The following IFT80 variants were observed in gnomAD, a reference collection of about 807,000 sequenced individuals.
The protein encoded by IFT80 is intraflagellar transport 80.
Under a neutral mutation model 107.9 loss-of-function variants are expected in IFT80, and 79 were observed. The ratio of observed to expected loss-of-function variants is 0.73; its 90% CI spans 0.61 to 0.88. IFT80 has a LOEUF of 0.88. Among genes scored for constraint, IFT80 ranks in the 40% least tolerant of loss-of-function variants. The pLI is 0.00. For synonymous variants in IFT80, 299 were observed against 300.9 expected (o/e 0.99, Z 0.07); for missense variants, 797 against 914.2 (o/e 0.87, Z 1.65).
chr3:160,328,073 C>T (rs1157959991), intron 8 of IFT80, among the ~76,000 whole-genome samples: 3 of 152,096 alleles, frequency 2.0e-5, no homozygotes, highest in African/African-American at 7.2e-5. Flanking sequence ...GGCCAACAGT[C>T]ATATGAAAGC....
At chr3:160,365,407 A>G (rs1721796888) in intron 6 of IFT80, among the ~76,000 whole-genome samples, 1 of 152,140 alleles carries the variant, frequency 6.6e-6, no homozygotes, top group Non-Finnish European at 1.5e-5. Context: ...TCAACTGTGA[A>G]AACACTTCTA....
intron 19 of IFT80, among the ~76,000 whole-genome samples, chr3:160,264,418 GATTTT>G (rs1404250157): frequency 2.1e-4 from 31 of 149,256 alleles, no homozygotes; most frequent in African/African-American, 7.4e-4. Context: ...CAGGGATCAG[GATTTT>G]ATTTTATTTT....
At chr3:160,380,056 C>T (rs1211734400) in intron 3 of IFT80, among the ~76,000 whole-genome samples, 4 of 143,242 alleles carry the variant, frequency 2.8e-5, no homozygotes, top group East Asian at 2.1e-4. Flanking sequence ...TTTTTTGAGA[C>T]GGAGTCTTGC....
At chr3:160,349,134 A>C (rs1388799122) in intron 8 of IFT80, among the ~76,000 whole-genome samples, 2 of 152,124 alleles carry the variant, frequency 1.3e-5, no homozygotes, top group African/African-American at 4.8e-5. Context: ...AAGCAGCCAG[A>C]AACTTGAGTC....
chr3:160,305,816 G>T (rs1203434180), intron 10 of IFT80, among the ~76,000 whole-genome samples: 1 of 152,022 alleles, frequency 6.6e-6, no homozygotes, highest in Non-Finnish European at 1.5e-5. Context: ...CAGTTATTAA[G>T]AACTTGTATT....
intron 12 of IFT80, among the ~76,000 whole-genome samples, chr3:160,298,147 A>G (rs548584484): frequency 1.3e-5 from 2 of 152,284 alleles, no homozygotes; most frequent in East Asian, 3.9e-4. Flanking sequence ...AGCACCTATT[A>G]TAATACAGAG....
In IFT80 at chr3:160,309,851, T is replaced by G. The variant is rs555447710; in HGVS notation, c.958-2070A>C. Among the ~76,000 whole-genome samples the G allele has an allele frequency of 1.3e-3, 199 of 152,224 alleles. 1 individual carries two copies. The highest frequency in any genetic ancestry group is 4.6e-3 in the African/African-American group (191 of 41,548). On this transcript the variant is annotated intron_variant, in intron 9 of 19. Coordinates refer to ENST00000326448, the MANE Select transcript of IFT80 (RefSeq NM_020800.3). ...TATTAGAATAATATTAATATTGTTA[T>G]TTTCAAACTATATTTTAGGATATAA...
rs1718097107 is a variant in IFT80 at position 160,320,075 on chromosome 3, A to T, written c.778-136T>A. 3.3e-5 allele frequency: 22 copies of T among 673,506 alleles called. 1 individual carries two copies. The South Asian group carries it at 3.8e-4, about 12-fold the overall frequency. 41.7% of individuals were successfully genotyped at this position (673,506 alleles called of 1,614,324 possible). A position where few individuals can be genotyped will look rare whatever the true frequency, so the allele number is the denominator to read the frequency against. Reference sequence around the variant, plus strand: ...TCTGGAATTATTATTTTTCTTAATAAAATTATAGTGTACTGAATGGAAAAT... The same window carrying T: ...TCTGGAATTATTATTTTTCTTAATATAATTATAGTGTACTGAATGGAAAAT... On this transcript the variant is annotated intron_variant, in intron 8 of 19. Transcript: ENST00000326448.
chr3:160,305,772 T>C (rs988312115), intron 10 of IFT80, among the ~76,000 whole-genome samples: 1 of 152,178 alleles, frequency 6.6e-6, no homozygotes, highest in African/African-American at 2.4e-5. Flanking sequence ...TGTCTGTTTT[T>C]AAAATTATAT....
Position 160,381,489 on chromosome 3 carries a change from T to G in IFT80, c.259+14A>C, listed in dbSNP as rs763376539. The G allele has an allele frequency of 2.5e-6, 4 of 1,576,492 alleles. No individual in the cohort carries two copies. The highest frequency in any genetic ancestry group is 1.7e-5 in the Admixed American group (1 of 59,940). On this transcript the variant is annotated intron_variant, in intron 3 of 19. Transcript: ENST00000326448. ...AATACAATGGCGAGCATATAATGTT[T>G]ATTTAAAACTTACCATCAGAACTTG...
Position 160,268,419 on chromosome 3 carries a change from T to C in IFT80, c.2217A>G (p.Ala739=). ...AAAATTGTGAAATACTTACACCTTC[T>C]GCATAATGCAAGTATCGTTTATTAG... ...QETNKRYLHY[A]EGLQIDWEKI... Residue 739 remains alanine, a synonymous_variant, in exon 19 of 20, where the codon GCA becomes GCG. Coordinates refer to ENST00000326448, the MANE Select transcript of IFT80 (RefSeq NM_020800.3). The C allele has an allele frequency of 6.2e-7, 1 of 1,612,336 alleles. No individual in the cohort carries two copies. The highest frequency in any genetic ancestry group is 8.5e-7 in the Non-Finnish European group (1 of 1,178,500).
intron 12 of IFT80, among the ~76,000 whole-genome samples, chr3:160,290,619 T>A (rs1559921844): frequency 6.6e-6 from 1 of 152,104 alleles, no homozygotes. Context: ...TTGCTCTTGT[T>A]GACCAGGCTG....
rs574045725 is a variant in IFT80, at chr3:160,339,231, C to A, written c.777+16782G>T. On this transcript the variant is annotated intron_variant, in intron 8 of 19. Transcript: ENST00000326448. ...GCTGCCTCTGCCATTATCTTTCCCCCTCAAGCTATTTTTATAGAAATTATA... is the reference window on the plus strand; with the variant it reads ...GCTGCCTCTGCCATTATCTTTCCCCATCAAGCTATTTTTATAGAAATTATA... Among the ~76,000 whole-genome samples, 6 of 152,290 alleles carry A rather than the reference C, an allele frequency of 3.9e-5. No individual in the cohort carries two copies. The South Asian group carries it at 1.2e-3, about 32-fold the overall frequency.
intron 8 of IFT80, among the ~76,000 whole-genome samples, chr3:160,323,603 A>G (rs1323928989): frequency 1.3e-5 from 2 of 152,136 alleles, no homozygotes. Flanking sequence ...ACAACATACC[A>G]GAATCTCTGG....
intron 18 of IFT80, among the ~76,000 whole-genome samples, chr3:160,275,460 C>T (rs991370284): frequency 5.9e-5 from 9 of 152,104 alleles, no homozygotes; most frequent in African/African-American, 2.2e-4. Flanking sequence ...TGTTATCTTT[C>T]CCCTTATGGA....
At chr3:160,323,435 T>C (rs564078809) in intron 8 of IFT80, among the ~76,000 whole-genome samples, 450 of 151,984 alleles carry the variant, frequency 3.0e-3, no homozygotes, top group East Asian at 0.018. Context: ...TTTTGGTTAC[T>C]GTAGCCTTGT....
In IFT80 at chr3:160,393,746, T is replaced by A. The variant is rs552993573; in HGVS notation, c.-47+5400A>T. ...GTAAAAGCACTAACAATAAGAAAAA[T>A]TTTAGATGATAAACAGGGAGACCAT... On this transcript the variant is annotated intron_variant, in intron 1 of 19. Coordinates refer to ENST00000326448, the MANE Select transcript of IFT80 (RefSeq NM_020800.3). Among the ~76,000 whole-genome samples the A allele has an allele frequency of 4.6e-4, 69 of 151,634 alleles. 3 individuals carry two copies. In the South Asian group the frequency reaches 0.013, roughly 30 times the overall value.
At chr3:160,321,416 C>A (rs1718206409) in intron 8 of IFT80, among the ~76,000 whole-genome samples, 1 of 151,806 alleles carries the variant, frequency 6.6e-6, no homozygotes, top group African/African-American at 2.4e-5. Flanking sequence ...TCTAGTCTAT[C>A]CTCATGGTGT....
Position 160,384,405 on chromosome 3 carries a change from C to T in IFT80, c.37+159G>A, listed in dbSNP as rs900461212. The T allele has an allele frequency of 3.1e-6, 4 of 1,310,414 alleles. No individual in the cohort carries two copies. The African/African-American group carries it at 6.1e-5, about 20-fold the overall frequency. 81.2% of individuals were successfully genotyped at this position (1,310,414 alleles called of 1,614,324 possible). ...ACGGTTCACTTTGGAGAATTACTTA[C>T]AACACATGATCTTAAATACTTTAAA... On this transcript the variant is annotated intron_variant, in intron 2 of 19. Coordinates refer to ENST00000326448, the MANE Select transcript of IFT80 (RefSeq NM_020800.3).
Sources: gnomAD v4.1 joint callset for allele counts (sites outside exome capture counted in the v4.1 genomes callset) on GRCh38, gnomAD v4.1.1 for gene constraint, MANE v1.5 for transcripts, NCBI Gene and HGNC (gene_info 2026-07-23, HGNC 2026-07-21) for gene names.